Variants in LAMA1 observed in about 807,000 individuals in gnomAD.
The protein encoded by LAMA1 is laminin subunit alpha 1.
In LAMA1, 219 loss-of-function variants were observed where a neutral mutation model predicts 348.7. The observed-to-expected ratio is 0.63, with a 90% CI of 0.56 to 0.70. The LOEUF (loss-of-function observed/expected upper bound fraction) is 0.70, where lower values mean the gene tolerates loss of function less well. Among genes scored for constraint, LAMA1 ranks in the 30% least tolerant of loss-of-function variants. The probability of loss-of-function intolerance (pLI) is 0.00; values close to 1 mark genes in which losing one functional copy is unlikely to be tolerated. For missense variants in LAMA1, 3,744 were observed against 3,888.0 expected (o/e 0.96, Z 0.99); for synonymous variants, 1,487 against 1,491.0 (o/e 1.00, Z 0.06).
intron 44 of LAMA1, 118 bp downstream of exon 44, chr18:6,977,609 C>G: frequency 2.6e-6 from 3 of 1,156,144 alleles, no homozygotes; most frequent in Middle Eastern, 2.8e-4. Flanking sequence ...TTATTGGGAT[C>G]TGGGTCTTTG....
In LAMA1 at chr18:6,966,270, A is replaced by G. The variant is rs2057632974; in HGVS notation, c.6927T>C (p.His2309=). The part of the protein sequence containing the change: ...GSSQNEDPSF[H]FDGSGYSVVE... ...CGACAGAGTACCCACTCCCGTCAAAATGGAAGGAAGGGTCTTCATTCTGGG... is the reference window on the plus strand; with the variant it reads ...CGACAGAGTACCCACTCCCGTCAAAGTGGAAGGAAGGGTCTTCATTCTGGG... The change falls in exon 49 of 63, where the codon CAT becomes CAC. Residue 2309 remains histidine, a synonymous_variant. Coordinates refer to ENST00000389658, the MANE Select transcript of LAMA1 (RefSeq NM_005559.4). 2 of 1,613,830 alleles carry G rather than the reference A, an allele frequency of 1.2e-6. No individual in the cohort carries two copies. The highest frequency in any genetic ancestry group is 1.7e-5 in the Admixed American group (1 of 59,984).
chr18:7,065,758 A>T (rs145125328), intron 3 of LAMA1, among the ~76,000 whole-genome samples: 75 of 152,302 alleles, frequency 4.9e-4, no homozygotes, highest in African/African-American at 1.7e-3. Flanking sequence ...AACAGAAGCG[A>T]ATAAGTATAA....
At chr18:7,037,993 T>C (rs2058003111) in intron 11 of LAMA1, among the ~76,000 whole-genome samples, 1 of 152,004 alleles carries the variant, frequency 6.6e-6, no homozygotes, top group African/African-American at 2.4e-5. Context: ...AGCAAATAAA[T>C]GAGCAAAACC....
At chr18:6,967,394 T>C (rs2057638141) in intron 48 of LAMA1, among the ~76,000 whole-genome samples, 1 of 152,234 alleles carries the variant, frequency 6.6e-6, no homozygotes, top group Admixed American at 6.5e-5. Flanking sequence ...CCAACCACAG[T>C]GCATGTGCCG....
intron 42 of LAMA1, 52 bp downstream of exon 42, chr18:6,980,469 T>C: frequency 1.7e-6 from 2 of 1,151,640 alleles, no homozygotes; most frequent in Non-Finnish European, 2.6e-6. Context: ...TCCTGAGTGA[T>C]GCTTTTACAA....
In LAMA1 at chr18:6,956,755, A is replaced by T. The variant is rs2057580727; in HGVS notation, c.7975T>A (p.Phe2659Ile). 1.9e-6 allele frequency: 3 copies of T among 1,614,230 alleles called. No individual in the cohort carries two copies. The highest frequency in any genetic ancestry group is 2.5e-6 in the Non-Finnish European group (3 of 1,180,038). ...NLIFNLELLDFNSAVGHEQVD... is the reference protein window; with the variant it reads ...NLIFNLELLDINSAVGHEQVD... ...TGCTCATGGCCAACTGCACTGTTGAAATCCAAAAGTCTAGGTAGAAACAAG... is the reference window on the plus strand; with the variant it reads ...TGCTCATGGCCAACTGCACTGTTGATATCCAAAAGTCTAGGTAGAAACAAG... The change falls in exon 56 of 63, where the codon TTC (phenylalanine) becomes ATC (isoleucine). Residue 2659 changes from phenylalanine (F) to isoleucine (I), a missense_variant. By Grantham distance (21) the Phe-to-Ile change is conservative. Around this residue, in one of 3 missense-constraint regions of LAMA1, gnomAD observed 1,983 missense variants for 1,934.3 expected, o/e 1.03. Coordinates refer to ENST00000389658, the MANE Select transcript of LAMA1 (RefSeq NM_005559.4).
intron 42 of LAMA1, among the ~76,000 whole-genome samples, chr18:6,979,741 T>G (rs1600368136): frequency 6.6e-6 from 1 of 151,752 alleles, no homozygotes; most frequent in Non-Finnish European, 1.5e-5. Flanking sequence ...CTACTAAAAA[T>G]ACAAAAAATT....
rs200996196 is a variant in LAMA1, at chr18:6,949,210, C to T, written c.8447G>A (p.Arg2816Gln). The change falls in exon 59 of 63, where the codon CGA (arginine) becomes CAA (glutamine). Residue 2816 changes from arginine to glutamine, a missense_variant. By Grantham distance (43) the Arg-to-Gln change is conservative (BLOSUM62 1). Around this residue, in one of 3 missense-constraint regions of LAMA1, gnomAD observed 1,983 missense variants for 1,934.3 expected, o/e 1.03. Transcript: ENST00000389658. ...CACCACAGTCACCATGGGAGACTCT[C>T]GGCCGTCGACAGTTATGAAGCCTTT... ...KRKGFITVDG[R>Q]ESPMVTVVGD... 2.0e-4 allele frequency: 324 copies of T among 1,614,188 alleles called. No individual in the cohort carries two copies. In the East Asian group the frequency reaches 4.3e-3, roughly 22 times the overall value.
chr18:7,010,474 T>C (rs1032889318), intron 25 of LAMA1, 89 bp from the exon 26 acceptor site: 1 of 1,233,174 alleles, frequency 8.1e-7, no homozygotes, highest in African/African-American at 1.5e-5. Context: ...AAGAGAGAAA[T>C]CTTGTATCTT....
chr18:6,945,186 T>C (rs1321195759), intron 61 of LAMA1, among the ~76,000 whole-genome samples: 2 of 152,212 alleles, frequency 1.3e-5, no homozygotes, highest in African/African-American at 2.4e-5. Flanking sequence ...TTAGCCACCA[T>C]ATCTGGCCCT....
chr18:7,002,617 G>C (rs1231773507), intron 29 of LAMA1, among the ~76,000 whole-genome samples: 1 of 152,144 alleles, frequency 6.6e-6, no homozygotes, highest in African/African-American at 2.4e-5. Context: ...GAAATTACTA[G>C]TACATTCTTC....
intron 57 of LAMA1, chr18:6,954,855 CG>C (rs1219424099): frequency 4.5e-6 from 1 of 222,850 alleles, no homozygotes; most frequent in Non-Finnish European, 9.0e-6. Context: ...ACATGGAGTC[CG>C]GGAGCCCCAA....
At chr18:7,067,985 G>A (rs2058130176) in intron 3 of LAMA1, among the ~76,000 whole-genome samples, 1 of 151,998 alleles carries the variant, frequency 6.6e-6, no homozygotes, top group Non-Finnish European at 1.5e-5. Flanking sequence ...TCCTGAGTAG[G>A]TGGCATTACA....
At chr18:7,054,533 CT>C (rs1268457778) in intron 3 of LAMA1, among the ~76,000 whole-genome samples, 1 of 152,190 alleles carries the variant, frequency 6.6e-6, no homozygotes, top group Non-Finnish European at 1.5e-5. Context: ...TTCCTCTAAC[CT>C]GGATGGATAT....
chr18:7,035,547 C>T (rs550379778), intron 13 of LAMA1, among the ~76,000 whole-genome samples: 19 of 152,118 alleles, frequency 1.2e-4, no homozygotes, highest in South Asian at 6.2e-4. Context: ...CTCACCCTCC[C>T]GAGTACCTGG....
At chr18:7,038,705 T>G in intron 11 of LAMA1, 105 bp downstream of exon 11, 1 of 1,431,030 alleles carries the variant, frequency 7.0e-7, no homozygotes, top group Non-Finnish European at 9.8e-7. Context: ...GCGATGAGAG[T>G]GGTGTCACGG....
chr18:7,015,711 A>T lies in LAMA1; in HGVS notation c.3126+11T>A, dbSNP rs2057884241. 6.2e-7 allele frequency: 1 copy of T among 1,613,434 alleles called. No homozygotes were observed. Among genetic ancestry groups the T allele is most frequent in the African/African-American group, 1.3e-5 (1 of 74,956 alleles). ...TCTCAGTTAAGCAAGAGCGTGGATG[A>T]CAGTGCTCACCTGGCACCCCACCTC... On this transcript the variant is annotated intron_variant, in intron 22 of 62. Transcript: ENST00000389658.
At chr18:7,055,089 C>T (rs1276617800) in intron 3 of LAMA1, among the ~76,000 whole-genome samples, 1 of 151,528 alleles carries the variant, frequency 6.6e-6, no homozygotes, top group East Asian at 1.9e-4. Flanking sequence ...GCACTCCCAA[C>T]CCTCAAGTTA....
intron 57 of LAMA1, 172 bp downstream of exon 57, chr18:6,955,181 A>C: frequency 1.5e-6 from 1 of 650,538 alleles, no homozygotes. Flanking sequence ...CCACCATGAA[A>C]GCGTTGTGAT....
Sources: gnomAD v4.1 joint callset for allele counts (sites outside exome capture counted in the v4.1 genomes callset) on GRCh38, gnomAD v4.1.1 for gene constraint, gnomAD v4.1.1 regional missense constraint, MANE v1.5 for transcripts, NCBI Gene and HGNC (gene_info 2026-07-23, HGNC 2026-07-21) for gene names.